The following ZAR1L variants were observed in gnomAD, a reference collection of about 807,000 sequenced individuals.
ZAR1L encodes zygote arrest 1 like.
Under a neutral mutation model 30.0 loss-of-function variants are expected in ZAR1L, and 16 were observed. The ratio of observed to expected loss-of-function variants is 0.53; its 90% CI spans 0.36 to 0.81. The LOEUF (loss-of-function observed/expected upper bound fraction) is 0.81, where lower values mean the gene tolerates loss of function less well. Ranked by LOEUF, ZAR1L falls within the 30% of genes least tolerant of loss-of-function variation. The pLI is 0.00. For synonymous variants in ZAR1L, 197 were observed against 166.8 expected (o/e 1.18, Z -1.40); for missense variants, 392 against 417.2 (o/e 0.94, Z 0.53).
rs141442954 is a variant in ZAR1L at position 32,308,295 on chromosome 13, A to G, written c.822+391T>C. Among the ~76,000 whole-genome samples the G allele has an allele frequency of 4.1e-3, 622 of 152,366 alleles. 1 individual carries two copies. The highest frequency in any genetic ancestry group is 0.014 in the African/African-American group (602 of 41,588). On this transcript the variant is annotated intron_variant, in intron 5 of 5. Coordinates refer to ENST00000533490, the MANE Select transcript of ZAR1L (RefSeq NM_001136571.2). ...ACCTTGGGAAAGTTATTTTGAACTT[A>G]GCTTTCAGATCTATAAAATAGGAAT...
chr13:32,305,601 T>G (rs1244785913), intron 5 of ZAR1L, among the ~76,000 whole-genome samples: 2 of 152,262 alleles, frequency 1.3e-5, no homozygotes, highest in Non-Finnish European at 2.9e-5. Flanking sequence ...GCACTTTATA[T>G]ACATGAATTC....
Position 32,303,808 on chromosome 13 carries a change from G to T in ZAR1L, c.*71C>A. ...TCCGATGCCAGGTCAGAGCCAAGTT[G>T]CAAAAAAGGAAGACAGCACAGTAAG... On this transcript the variant is annotated 3_prime_UTR_variant, in exon 6 of 6. Coordinates refer to ENST00000533490, the MANE Select transcript of ZAR1L (RefSeq NM_001136571.2). The T allele has an allele frequency of 6.8e-7, 1 of 1,469,000 alleles. No homozygotes were observed. Among genetic ancestry groups the T allele is most frequent in the Non-Finnish European group, 9.1e-7 (1 of 1,100,256 alleles). The allele number at this position is 1,469,000 out of a possible 1,614,324, so 91.0% of individuals were successfully genotyped here. A position where few individuals can be genotyped will look rare whatever the true frequency, so the allele number is the denominator to read the frequency against.
Position 32,309,149 on chromosome 13 carries a change from C to G in ZAR1L, c.748-389G>C, listed in dbSNP as rs575998736. On this transcript the variant is annotated intron_variant, in intron 4 of 5. Coordinates refer to ENST00000533490, the MANE Select transcript of ZAR1L (RefSeq NM_001136571.2). ...GGGATTACAGGTGCCCGCCACCACA[C>G]CCGGCTAATTTTTTGTATTTTTAGT... Among the ~76,000 whole-genome samples the G allele has an allele frequency of 4.6e-5, 7 of 152,094 alleles. No homozygotes were observed. In the South Asian group the frequency reaches 1.5e-3, roughly 32 times the overall value.
intron 5 of ZAR1L, among the ~76,000 whole-genome samples, chr13:32,305,235 T>C (rs112619627): frequency 2.2e-4 from 33 of 152,256 alleles, no homozygotes; most frequent in Non-Finnish European, 4.4e-4. Flanking sequence ...CTTTTTTTTT[T>C]TCTTTTTTTG....
At position 32,311,502 on chromosome 13, in the gene ZAR1L, A is replaced by T; in HGVS notation, c.424T>A (p.Leu142Met). The T allele has an allele frequency of 6.5e-7, 1 of 1,542,358 alleles. No individual in the cohort carries two copies. Among genetic ancestry groups the T allele is most frequent in the Non-Finnish European group, 8.7e-7 (1 of 1,143,938 alleles). ...VTSPATGRRG[L>M]IRLRRDGDEA... is the part of the protein sequence containing the mutation. ...TCCCCATCTCTCCGCAGGCGGATCA[A>T]GCCCCTGCGGCCGGTGGCGGGCGAA... is the stretch of plus-strand genomic sequence containing the variant. The change falls in exon 3 of 6, where the codon TTG becomes ATG. Residue 142 changes from leucine (L) to methionine (M), a missense_variant. Leu to Met is a conservative substitution (Grantham distance 15, BLOSUM62 2). Transcript: ENST00000533490.
rs2072155805 is a variant in ZAR1L, at chr13:32,303,817, G to T, written c.*62C>A. On this transcript the variant is annotated 3_prime_UTR_variant, in exon 6 of 6. Coordinates refer to ENST00000533490, the MANE Select transcript of ZAR1L (RefSeq NM_001136571.2). ...AGGTCAGAGCCAAGTTGCAAAAAAG[G>T]AAGACAGCACAGTAAGTTACAAGAA... is the stretch of plus-strand genomic sequence containing the variant. 1.1e-5 allele frequency: 16 copies of T among 1,486,150 alleles called. No individual in the cohort carries two copies. In the South Asian group the frequency reaches 2.0e-4, roughly 19 times the overall value. 92.1% of individuals were successfully genotyped at this position (1,486,150 alleles called of 1,614,324 possible). A position where few individuals can be genotyped will look rare whatever the true frequency, so the allele number is the denominator to read the frequency against.
intron 5 of ZAR1L, among the ~76,000 whole-genome samples, chr13:32,305,909 A>G (rs206142): frequency 0.66 from 101,071 of 152,112 alleles, 34,240 homozygotes; most frequent in African/African-American, 0.78. Context: ...TATGTGAGGA[A>G]ACAGAACAAC....
intron 5 of ZAR1L, among the ~76,000 whole-genome samples, chr13:32,306,954 G>A (rs200165317): frequency 0.13 from 9,580 of 70,964 alleles, 475 homozygotes; most frequent in East Asian, 0.22. Flanking sequence ...AAAAAAAAAA[G>A]ATATCTGGAC....
rs2072213724 is a variant in ZAR1L, at chr13:32,311,562, C to A, written c.364G>T (p.Asp122Tyr). 3.9e-6 allele frequency: 6 copies of A among 1,534,424 alleles called. No homozygotes were observed. In the African/African-American group the frequency reaches 6.9e-5, roughly 18 times the overall value. The change falls in exon 3 of 6, where the codon GAC (aspartate) becomes TAC (tyrosine). Residue 122 changes from aspartate to tyrosine, a missense_variant. Transcript: ENST00000533490. ...LSSCSPWDGRDPQEPLPACGV... is the reference protein window; with the variant it reads ...LSSCSPWDGRYPQEPLPACGV... ...CAGGCTGGCAGGGGCTCCTGGGGGT[C>A]TCTGCCGTCCCAGGGGGAGCAGCTG...
chr13:32,305,375 T>C (rs934625188), intron 5 of ZAR1L, among the ~76,000 whole-genome samples: 7 of 152,054 alleles, frequency 4.6e-5, no homozygotes, highest in South Asian at 4.2e-4. Context: ...TACAGGCGCC[T>C]GCCACTGCAC....
chr13:32,313,164 C>T (rs1033035028), intron 2 of ZAR1L, among the ~76,000 whole-genome samples: 1 of 152,118 alleles, frequency 6.6e-6, no homozygotes, highest in Non-Finnish European at 1.5e-5. Flanking sequence ...ATAACGACTA[C>T]AGTTAACAAT....
chr13:32,304,073 C>A, intron 5 of ZAR1L, 51 bp from the exon 6 acceptor site: 2 of 1,513,434 alleles, frequency 1.3e-6, no homozygotes, highest in South Asian at 1.3e-5. Flanking sequence ...TTTAGTGTTT[C>A]AAATGTAACC....
chr13:32,303,870 C>G lies in ZAR1L; in HGVS notation c.*9G>C. The G allele has an allele frequency of 6.5e-7, 1 of 1,549,728 alleles. No individual in the cohort carries two copies. Among genetic ancestry groups the G allele is most frequent in the South Asian group, 1.2e-5 (1 of 83,688 alleles). ...GCTCAGGGGTCCATTACAAGTCACA[C>G]TGTACAAGTCACATCACATATTTAA... On this transcript the variant is annotated 3_prime_UTR_variant, in exon 6 of 6. Coordinates refer to ENST00000533490, the MANE Select transcript of ZAR1L (RefSeq NM_001136571.2).
Position 32,308,702 on chromosome 13 carries a change from T to G in ZAR1L, c.806A>C (p.Glu269Ala). The G allele has an allele frequency of 6.4e-7, 1 of 1,551,120 alleles. No individual in the cohort carries two copies. The highest frequency in any genetic ancestry group is 8.7e-7 in the Non-Finnish European group (1 of 1,146,626). ...CQKSFNPYRV[E>A]AIQCQTCSKS... The stretch of plus-strand genomic sequence containing the variant: ...TATGCTCACCTGACATTGGATTGCT[T>G]CTACTCGATAAGGGTTAAAACTCTT... The change falls in exon 5 of 6, where the codon GAA (glutamate) becomes GCA (alanine). Residue 269 changes from glutamate to alanine, a missense_variant. Coordinates refer to ENST00000533490, the MANE Select transcript of ZAR1L (RefSeq NM_001136571.2).
chr13:32,312,685 C>G (rs1425247875), intron 2 of ZAR1L, among the ~76,000 whole-genome samples: 1 of 152,162 alleles, frequency 6.6e-6, no homozygotes, highest in Non-Finnish European at 1.5e-5. Flanking sequence ...CGAGACCAAC[C>G]TGGCCAACAT....
At position 32,311,937 on chromosome 13, in the gene ZAR1L, T is replaced by C. The variant is rs2072217289; in HGVS notation, c.-12A>G. On this transcript the variant is annotated 5_prime_UTR_variant, in exon 3 of 6. Coordinates refer to ENST00000533490, the MANE Select transcript of ZAR1L (RefSeq NM_001136571.2). ...ACAAAGCGCTCCATCCGCTCTCAGGTGCTCAGGCGCAGTCTAATATCCTAG... is the reference window on the plus strand; with the variant it reads ...ACAAAGCGCTCCATCCGCTCTCAGGCGCTCAGGCGCAGTCTAATATCCTAG... 7.2e-6 allele frequency: 11 copies of C among 1,537,756 alleles called. No individual in the cohort carries two copies. In the Admixed American group the frequency reaches 1.8e-4, roughly 25 times the overall value.
At chr13:32,308,910 C>G in intron 4 of ZAR1L, 150 bp from the exon 5 acceptor site, 2 of 598,354 alleles carry the variant, frequency 3.3e-6, no homozygotes, top group South Asian at 4.1e-5. Flanking sequence ...CAACCTCTAC[C>G]CTTGGGGTTT....
intron 5 of ZAR1L, 27 bp from the exon 6 acceptor site, chr13:32,304,049 C>A (rs186726008): frequency 1.3e-6 from 2 of 1,546,452 alleles, no homozygotes; most frequent in Admixed American, 2.0e-5. Context: ...AGAGTTTGGA[C>A]GCTAAATGAT....
intron 3 of ZAR1L, 23 bp downstream of exon 3, chr13:32,311,249 A>C (rs771041609): frequency 8.5e-6 from 13 of 1,530,662 alleles, no homozygotes; most frequent in African/African-American, 1.4e-5. Flanking sequence ...TCGAGGACTA[A>C]GAAGAGGGAA....
Sources: gnomAD v4.1 joint callset for allele counts (sites outside exome capture counted in the v4.1 genomes callset) on GRCh38, gnomAD v4.1.1 for gene constraint, MANE v1.5 for transcripts, NCBI Gene and HGNC (gene_info 2026-07-23, HGNC 2026-07-21) for gene names.